The following ERC2 variants were observed in gnomAD, a reference collection of about 807,000 sequenced individuals.
The protein encoded by ERC2 is ERC protein 2.
Under a neutral mutation model 114.8 loss-of-function variants are expected in ERC2, and 42 were observed. The ratio of observed to expected loss-of-function variants is 0.37; its 90% CI spans 0.29 to 0.47. The LOEUF (loss-of-function observed/expected upper bound fraction) is 0.47. Among genes scored for constraint, ERC2 ranks in the 20% least tolerant of loss-of-function variants. ERC2 has a pLI of 0.99. For missense variants in ERC2, 939 were observed against 1,150.7 expected (o/e 0.82, Z 2.66); for synonymous variants, 454 against 425.5 (o/e 1.07, Z -0.82).
intron 3 of ERC2, among the ~76,000 whole-genome samples, chr3:56,213,904 G>A (rs1560388722): frequency 6.6e-6 from 1 of 152,148 alleles, no homozygotes; most frequent in Non-Finnish European, 1.5e-5. Flanking sequence ...GGTCTAGAGT[G>A]GACCTCCAGC....
chr3:55,672,824 C>A (rs2061618924), intron 17 of ERC2, among the ~76,000 whole-genome samples: 8 of 152,286 alleles, frequency 5.3e-5, no homozygotes. Flanking sequence ...GGAAATGCAA[C>A]CCAGCTACAT....
At chr3:56,282,930 T>C (rs2054446485) in intron 3 of ERC2, among the ~76,000 whole-genome samples, 1 of 152,188 alleles carries the variant, frequency 6.6e-6, no homozygotes, top group Admixed American at 6.5e-5. Context: ...CATGCAAAGA[T>C]AACCACAGCC....
intron 3 of ERC2, among the ~76,000 whole-genome samples, chr3:56,205,095 A>G (rs2048642400): frequency 6.6e-6 from 1 of 152,262 alleles, no homozygotes; most frequent in Non-Finnish European, 1.5e-5. Context: ...TGCCTCATGT[A>G]GAATCTCAAC....
At chr3:56,159,593 T>C (rs1352227304) in intron 4 of ERC2, among the ~76,000 whole-genome samples, 1 of 152,184 alleles carries the variant, frequency 6.6e-6, no homozygotes, top group African/African-American at 2.4e-5. Flanking sequence ...GTTTGGGGTA[T>C]AAATGATCCC....
At chr3:56,348,645 C>T (rs2150516444) in intron 2 of ERC2, among the ~76,000 whole-genome samples, 2 of 151,748 alleles carry the variant, frequency 1.3e-5, no homozygotes, top group Middle Eastern at 3.4e-3. Flanking sequence ...ACACTCTGTG[C>T]AGGTTAAATG....
intron 3 of ERC2, among the ~76,000 whole-genome samples, chr3:56,279,091 AC>A (rs1469909158): frequency 6.6e-6 from 1 of 152,126 alleles, no homozygotes; most frequent in African/African-American, 2.4e-5. Context: ...ACATACAGAA[AC>A]CCTCTGCCTG....
chr3:56,143,453 C>T (rs2080975919), intron 5 of ERC2, among the ~76,000 whole-genome samples: 1 of 152,138 alleles, frequency 6.6e-6, no homozygotes. Context: ...CCAGTCTTTC[C>T]CATGCTGTTC....
intron 14 of ERC2, among the ~76,000 whole-genome samples, chr3:55,879,099 ATTT>A (rs3047064): frequency 2.3e-5 from 3 of 127,826 alleles, no homozygotes; most frequent in African/African-American, 9.0e-5. Context: ...CTTTTTCTTA[ATTT>A]TTTTTTTTGG....
intron 15 of ERC2, among the ~76,000 whole-genome samples, chr3:55,712,966 C>A (rs2063851198): frequency 6.6e-6 from 1 of 152,120 alleles, no homozygotes. Flanking sequence ...GTCCTTACAT[C>A]TGCTAAGCAT....
chr3:56,118,073 T>C (rs1466135323), intron 6 of ERC2, among the ~76,000 whole-genome samples: 1 of 152,144 alleles, frequency 6.6e-6, no homozygotes, highest in African/African-American at 2.4e-5. Context: ...ATAGAGAATA[T>C]GTTCAGGGCT....
intron 3 of ERC2, among the ~76,000 whole-genome samples, chr3:56,183,203 T>A (rs1180143587): frequency 6.6e-6 from 1 of 152,196 alleles, no homozygotes; most frequent in Non-Finnish European, 1.5e-5. Flanking sequence ...CAAAAGTTAA[T>A]ATACAGGCTA....
chr3:56,210,309 C>T (rs2048982462), intron 3 of ERC2, among the ~76,000 whole-genome samples: 1 of 152,042 alleles, frequency 6.6e-6, no homozygotes, highest in African/African-American at 2.4e-5. Flanking sequence ...AGGGAACAGG[C>T]CAAAAATGGC....
chr3:56,147,842 G>T (rs1241702935), intron 5 of ERC2, among the ~76,000 whole-genome samples: 1 of 152,058 alleles, frequency 6.6e-6, no homozygotes. Flanking sequence ...GACCTATTTG[G>T]GCTATTCGTA....
intron 14 of ERC2, among the ~76,000 whole-genome samples, chr3:55,864,118 T>TAC (rs1331498155): frequency 4.9e-4 from 43 of 86,928 alleles, no homozygotes; most frequent in African/African-American, 1.5e-3. Flanking sequence ...TATATATATA[T>TAC]ACACACACAC....
chr3:55,714,639 ATGTGTGTGTG>A (rs34850947), intron 15 of ERC2, among the ~76,000 whole-genome samples: 3 of 99,822 alleles, frequency 3.0e-5, no homozygotes, highest in African/African-American at 8.1e-5. Flanking sequence ...GTTTGTATAT[ATGTGTGTGTG>A]TGTGTGTGTG....
chr3:56,272,449 A>T (rs2053716285), intron 3 of ERC2, among the ~76,000 whole-genome samples: 1 of 152,208 alleles, frequency 6.6e-6, no homozygotes. Context: ...ATGTGAAACT[A>T]CAGACTCCAT....
At chr3:55,904,319 A>T (rs1294701895) in intron 13 of ERC2, among the ~76,000 whole-genome samples, 1 of 152,208 alleles carries the variant, frequency 6.6e-6, no homozygotes, top group Non-Finnish European at 1.5e-5. Flanking sequence ...GAAACCATCT[A>T]TGGCTTTTCT....
intron 2 of ERC2, among the ~76,000 whole-genome samples, chr3:56,301,146 G>A (rs1296033144): frequency 6.6e-6 from 1 of 152,094 alleles, no homozygotes; most frequent in East Asian, 1.9e-4. Context: ...TGGTTACGAT[G>A]GATGCTTCCA....
chr3:55,685,812 C>T (rs926239906), intron 16 of ERC2, among the ~76,000 whole-genome samples: 4 of 152,202 alleles, frequency 2.6e-5, no homozygotes, highest in African/African-American at 9.7e-5. Context: ...AGCCTACGGC[C>T]ACTGCCGACT....
Sources: allele counts gnomAD v4.1 joint callset (sites outside exome capture counted in the v4.1 genomes callset), GRCh38; gene constraint gnomAD v4.1.1; transcripts MANE v1.5; gene names NCBI Gene and HGNC (gene_info 2026-07-23, HGNC 2026-07-21).